The following SLMAP variants were observed in gnomAD, a reference collection of about 807,000 sequenced individuals.
SLMAP encodes sarcolemmal membrane-associated protein.
In SLMAP, 44 loss-of-function variants were observed where a neutral mutation model predicts 128.8. The ratio of observed to expected loss-of-function variants is 0.34; its 90% CI spans 0.27 to 0.44. The LOEUF is 0.44. Among genes scored for constraint, SLMAP ranks in the 20% least tolerant of loss-of-function variants. The pLI, the probability that SLMAP is intolerant of heterozygous loss-of-function variation, is 1.00. For missense variants in SLMAP, 787 were observed against 985.3 expected, an observed-to-expected ratio of 0.80 and a Z score of 2.69; for synonymous variants, 327 against 348.8, an observed-to-expected ratio of 0.94 and a Z score of 0.70.
intron 3 of SLMAP, among the ~76,000 whole-genome samples, chr3:57,833,778 G>A (rs1043820745): frequency 2.0e-5 from 3 of 150,682 alleles, no homozygotes; most frequent in African/African-American, 7.4e-5. Flanking sequence ...CTAACTTTAA[G>A]GAGATTAGAT....
intron 2 of SLMAP, among the ~76,000 whole-genome samples, chr3:57,819,865 G>GC (rs1263941135): frequency 6.6e-6 from 1 of 151,948 alleles, no homozygotes; most frequent in Non-Finnish European, 1.5e-5. Flanking sequence ...TGATCCTCCT[G>GC]CCTCAGACTC....
intron 24 of SLMAP, 96 bp from the exon 25 acceptor site, chr3:57,927,200 C>T: frequency 1.8e-6 from 1 of 561,950 alleles, no homozygotes; most frequent in South Asian, 4.3e-5. Context: ...TTCCAATATT[C>T]TGTTAAGTAT....
intron 2 of SLMAP, among the ~76,000 whole-genome samples, chr3:57,817,206 G>A (rs1371631358): frequency 3.3e-5 from 5 of 152,182 alleles, no homozygotes; most frequent in Admixed American, 1.3e-4. Flanking sequence ...AACTGTAATC[G>A]GAAGGGAAAG....
At chr3:57,759,797 A>AT (rs1415165661) in intron 2 of SLMAP, among the ~76,000 whole-genome samples, 2 of 152,172 alleles carry the variant, frequency 1.3e-5, no homozygotes, top group Non-Finnish European at 2.9e-5. Context: ...GGGGACTCCC[A>AT]TTTTTTGTTT....
intron 17 of SLMAP, among the ~76,000 whole-genome samples, chr3:57,906,310 C>CTTTTTCTTTTTCTTTTTTTTT (rs2096549127): frequency 2.1e-5 from 1 of 47,048 alleles, no homozygotes; most frequent in Non-Finnish European, 4.2e-5. Flanking sequence ...CTTTTTTTTT[C>CTTTTTCTTTTTCTTTTTTTTT]TTTTTTTTTT....
At position 57,893,053 on chromosome 3, in the gene SLMAP, T is replaced by C. The variant is rs1015043154; in HGVS notation, c.1360+2953T>C. Reference sequence around the variant, plus strand: ...TTTCACTGTGTTACCCAGGATGGTCTCGATCTCCTGACCTCTTGATCCGCC... The same window carrying C: ...TTTCACTGTGTTACCCAGGATGGTCCCGATCTCCTGACCTCTTGATCCGCC... On this transcript the variant is annotated intron_variant, in intron 15 of 24. Transcript: ENST00000671191. 1.1e-4 allele frequency among the ~76,000 whole-genome samples: 16 copies of C among 151,740 alleles called. No homozygotes were observed. In the East Asian group the frequency reaches 2.6e-3, roughly 25 times the overall value.
At chr3:57,851,280 A>G (rs912072704) in intron 6 of SLMAP, among the ~76,000 whole-genome samples, 1 of 151,636 alleles carries the variant, frequency 6.6e-6, no homozygotes, top group African/African-American at 2.4e-5. Context: ...TGTAGAGCAG[A>G]TACTGCTTCA....
Position 57,929,703 on chromosome 3 carries a change from G to C in SLMAP, c.*2414G>C, listed in dbSNP as rs1407363223. Among the ~76,000 whole-genome samples, 1 of 152,162 alleles carries C rather than the reference G, an allele frequency of 6.6e-6. No individual in the cohort carries two copies. The highest frequency in any genetic ancestry group is 1.5e-5 in the Non-Finnish European group (1 of 68,026). On this transcript the variant is annotated 3_prime_UTR_variant, in exon 25 of 25. Coordinates refer to ENST00000671191, the MANE Select transcript of SLMAP (RefSeq NM_001377540.1). The stretch of plus-strand genomic sequence containing the variant: ...GGCAGGGTTAGAGAATAAAAAGAAC[G>C]TGGTGTTTGAAGCAAAACAGATCTG...
chr3:57,791,848 A>G (rs549433265), intron 2 of SLMAP, among the ~76,000 whole-genome samples: 2 of 152,298 alleles, frequency 1.3e-5, no homozygotes, highest in East Asian at 1.9e-4. Flanking sequence ...TTAATGATCT[A>G]TTAATGATCT....
At chr3:57,893,776 C>G (rs889540749) in intron 15 of SLMAP, among the ~76,000 whole-genome samples, 1 of 151,956 alleles carries the variant, frequency 6.6e-6, no homozygotes, top group Non-Finnish European at 1.5e-5. Flanking sequence ...ACTTTGTGAT[C>G]GAAACTAGAA....
At chr3:57,767,589 C>G (rs1318354967) in intron 2 of SLMAP, among the ~76,000 whole-genome samples, 1 of 152,164 alleles carries the variant, frequency 6.6e-6, no homozygotes, top group African/African-American at 2.4e-5. Context: ...CAATTTCACA[C>G]AAAATAATTT....
At chr3:57,771,101 G>A (rs912132961) in intron 2 of SLMAP, among the ~76,000 whole-genome samples, 2 of 150,918 alleles carry the variant, frequency 1.3e-5, no homozygotes, top group South Asian at 2.1e-4. Flanking sequence ...TATTACTTAC[G>A]CAAACTCCTC....
intron 2 of SLMAP, among the ~76,000 whole-genome samples, chr3:57,820,671 CAGAG>C: frequency 6.6e-6 from 1 of 152,326 alleles, no homozygotes; most frequent in Admixed American, 6.5e-5. Flanking sequence ...GCGACCATCT[CAGAG>C]AGGCTGCAAA....
At chr3:57,766,738 T>C (rs1309299463) in intron 2 of SLMAP, among the ~76,000 whole-genome samples, 1 of 152,178 alleles carries the variant, frequency 6.6e-6, no homozygotes, top group Non-Finnish European at 1.5e-5. Flanking sequence ...TCACTGTTTC[T>C]AGAACAAGTG....
chr3:57,801,312 T>G (rs927282434), intron 2 of SLMAP: 2 of 152,754 alleles, frequency 1.3e-5, no homozygotes, highest in African/African-American at 4.8e-5. Context: ...CCTGTAATAT[T>G]TGAGTCCGTC....
intron 3 of SLMAP, among the ~76,000 whole-genome samples, chr3:57,831,996 G>A (rs567612041): frequency 3.4e-4 from 52 of 152,322 alleles, no homozygotes; most frequent in African/African-American, 1.2e-3. Flanking sequence ...GCAAGCCCCA[G>A]GCATCATTTT....
intron 2 of SLMAP, among the ~76,000 whole-genome samples, chr3:57,803,261 T>C (rs2089013276): frequency 1.3e-5 from 2 of 152,118 alleles, no homozygotes; most frequent in Non-Finnish European, 2.9e-5. Flanking sequence ...AAAAAGGCCA[T>C]CAAGATTATG....
chr3:57,886,793 T>C (rs576945948), intron 14 of SLMAP, among the ~76,000 whole-genome samples: 31 of 151,894 alleles, frequency 2.0e-4, no homozygotes, highest in Middle Eastern at 3.4e-3. Flanking sequence ...CTTAGCACAA[T>C]ATATTTTAAA....
chr3:57,860,188 C>G (rs1423538779), intron 8 of SLMAP, among the ~76,000 whole-genome samples: 1 of 152,070 alleles, frequency 6.6e-6, no homozygotes. Context: ...TCAAATTATC[C>G]CATCTTTGGT....
Sources: allele counts gnomAD v4.1 joint callset (sites outside exome capture counted in the v4.1 genomes callset), GRCh38; gene constraint gnomAD v4.1.1; transcripts MANE v1.5; gene names NCBI Gene and HGNC (gene_info 2026-07-23, HGNC 2026-07-21).